The following BUB1B variants were observed in gnomAD, a reference collection of about 807,000 sequenced individuals.
BUB1B encodes BUB1 mitotic checkpoint serine/threonine kinase B.
Under a neutral mutation model 137.7 loss-of-function variants are expected in BUB1B, and 86 were observed. That is an observed-to-expected ratio of 0.62 (90% CI 0.52 to 0.75). BUB1B has a LOEUF of 0.75. BUB1B is among the 30% of genes least tolerant of loss of function. The pLI, the probability that BUB1B is intolerant of heterozygous loss-of-function variation, is 0.00. For missense variants in BUB1B, 1,130 were observed against 1,236.9 expected (o/e 0.91, Z 1.30); for synonymous variants, 420 against 417.9 (o/e 1.00, Z -0.06).
At chr15:40,197,811 A>G (rs2037516120) in intron 9 of BUB1B, among the ~76,000 whole-genome samples, 1 of 152,202 alleles carries the variant, frequency 6.6e-6, no homozygotes, top group Admixed American at 6.5e-5. Flanking sequence ...TTCAAATGGA[A>G]CTTGTGTGTC....
Position 40,183,753 on chromosome 15 carries a change from A to C in BUB1B, c.621A>C (p.Ala207=). 6.2e-7 allele frequency: 1 copy of C among 1,614,150 alleles called. No homozygotes were observed. Among genetic ancestry groups the C allele is most frequent in the Non-Finnish European group, 8.5e-7 (1 of 1,179,988 alleles). The change falls in exon 6 of 23, where the codon GCA becomes GCC. Residue 207 remains alanine (A), a synonymous_variant. Transcript: ENST00000287598. ...GAGTGTCTCGGCAAACTCTGTTGGC[A>C]CTTGAGAAAGAAGAAGAGGAGGAAG... is the stretch of plus-strand genomic sequence containing the variant. ...QARVSRQTLL[A]LEKEEEEEVF...
intron 5 of BUB1B, among the ~76,000 whole-genome samples, chr15:40,182,973 G>A (rs2037312227): frequency 6.6e-6 from 1 of 152,010 alleles, no homozygotes; most frequent in Non-Finnish European, 1.5e-5. Context: ...TTTGTATATG[G>A]TCTATAGTTT....
At chr15:40,163,851 A>T (rs370209434) in intron 1 of BUB1B, among the ~76,000 whole-genome samples, 25 of 152,200 alleles carry the variant, frequency 1.6e-4, no homozygotes, top group African/African-American at 6.0e-4. Flanking sequence ...GATTAAAGTC[A>T]TAGTTTCCAA....
chr15:40,161,964 C>T (rs554194994), intron 1 of BUB1B, among the ~76,000 whole-genome samples: 1 of 152,222 alleles, frequency 6.6e-6, no homozygotes, highest in South Asian at 2.1e-4. Flanking sequence ...ACACAAAAAT[C>T]TCAACCCTCA....
intron 12 of BUB1B, among the ~76,000 whole-genome samples, chr15:40,201,304 C>G (rs2037566019): frequency 6.6e-6 from 1 of 152,070 alleles, no homozygotes; most frequent in Admixed American, 6.5e-5. Flanking sequence ...AAATTTAAAG[C>G]TATTTTATAC....
At chr15:40,163,619 T>A (rs2037062914) in intron 1 of BUB1B, among the ~76,000 whole-genome samples, 1 of 152,200 alleles carries the variant, frequency 6.6e-6, no homozygotes, top group Non-Finnish European at 1.5e-5. Context: ...ATTCACTGAT[T>A]CGCCAAAAAT....
intron 11 of BUB1B, 99 bp downstream of exon 11, chr15:40,200,458 A>G: frequency 1.2e-6 from 1 of 836,880 alleles, no homozygotes; most frequent in Non-Finnish European, 2.0e-6. Flanking sequence ...CGTTTACAGT[A>G]TCGAGACATG....
chr15:40,171,165 G>A (rs902785477), intron 4 of BUB1B, among the ~76,000 whole-genome samples: 9 of 152,260 alleles, frequency 5.9e-5, no homozygotes, highest in African/African-American at 2.2e-4. Flanking sequence ...TTGAACTCCT[G>A]AGCTCAAGCC....
Position 40,184,300 on chromosome 15 carries a change from A to G in BUB1B, c.751+417A>G, listed in dbSNP as rs577072614. Reference sequence around the variant, plus strand: ...CCAAAGATCAGCAATAATTTTTTTTAATTAACATGGACTTTTTTTTTTTTT... The same window carrying G: ...CCAAAGATCAGCAATAATTTTTTTTGATTAACATGGACTTTTTTTTTTTTT... On this transcript the variant is annotated intron_variant, in intron 6 of 22. Transcript: ENST00000287598. 7.9e-5 allele frequency among the ~76,000 whole-genome samples: 12 copies of G among 151,652 alleles called. No individual in the cohort carries two copies. In the South Asian group the frequency reaches 2.5e-3, roughly 32 times the overall value.
In BUB1B at chr15:40,166,001, C is replaced by T. The variant is rs556800800; in HGVS notation, c.179+805C>T. Among the ~76,000 whole-genome samples the T allele has an allele frequency of 7.2e-5, 11 of 151,960 alleles. No individual in the cohort carries two copies. In the South Asian group the frequency reaches 1.5e-3, roughly 20 times the overall value. ...CCAAATAGCTGGGATTACAGGCGTGCGCCGCCACGCCTGGGTAATTTTTGT... is the reference window on the plus strand; with the variant it reads ...CCAAATAGCTGGGATTACAGGCGTGTGCCGCCACGCCTGGGTAATTTTTGT... On this transcript the variant is annotated intron_variant, in intron 2 of 22. Coordinates refer to ENST00000287598, the MANE Select transcript of BUB1B (RefSeq NM_001211.6).
In BUB1B at chr15:40,206,474, C is replaced by T. The variant is rs376895054; in HGVS notation, c.2009+16C>T. The T allele has an allele frequency of 1.2e-6, 2 of 1,613,914 alleles. No homozygotes were observed. The highest frequency in any genetic ancestry group is 2.7e-5 in the African/African-American group (2 of 74,920). ...AGAAGCTGAGGTGATTGGGGATTTA[C>T]AGGTTTTACAAACCAGATTGTTTAC... On this transcript the variant is annotated intron_variant, in intron 15 of 22. Transcript: ENST00000287598.
chr15:40,217,500 CACGATCCCTATGATTGTAACAAGA>C lies in BUB1B; in HGVS notation c.2686_2709del (p.Asp896_Asn903del). On this transcript the variant is annotated inframe_deletion, in exon 21 of 23. Coordinates refer to ENST00000287598, the MANE Select transcript of BUB1B (RefSeq NM_001211.6). ...TTCTCTTAAATCTGGGCTCAGAATC[CACGATCCCTATGATTGTAACAAGA>C]ACAATCAAGCTTTGAAGATAGTGGA... 2 of 1,613,908 alleles carry C rather than the reference CACGATCCCTATGATTGTAACAAGA, an allele frequency of 1.2e-6. No homozygotes were observed. Among genetic ancestry groups the C allele is most frequent in the South Asian group, 2.2e-5 (2 of 91,080 alleles).
chr15:40,161,193 G>C lies in BUB1B; in HGVS notation c.-28G>C. The C allele has an allele frequency of 6.2e-7, 1 of 1,612,598 alleles. No homozygotes were observed. Among genetic ancestry groups the C allele is most frequent in the East Asian group, 2.2e-5 (1 of 44,834 alleles). On this transcript the variant is annotated 5_prime_UTR_variant, in exon 1 of 23. Transcript: ENST00000287598. ...TGGCCCAGAGGAAAGGCCTGCAGCAGGACGAGGACCTGAGCCAGGAATGCA... is the reference window on the plus strand; with the variant it reads ...TGGCCCAGAGGAAAGGCCTGCAGCACGACGAGGACCTGAGCCAGGAATGCA...
chr15:40,213,539 T>C, intron 20 of BUB1B, 65 bp downstream of exon 20: 1 of 1,585,748 alleles, frequency 6.3e-7, no homozygotes, highest in Non-Finnish European at 8.6e-7. Flanking sequence ...TTGCCACTTT[T>C]TTTTTTCTTT....
chr15:40,199,544 C>A, intron 9 of BUB1B, 71 bp from the exon 10 acceptor site: 2 of 1,172,140 alleles, frequency 1.7e-6, no homozygotes, highest in Non-Finnish European at 2.5e-6. Context: ...AGGAGATGAG[C>A]TCCAAAGGCA....
chr15:40,167,224 A>G (rs1251862304), intron 2 of BUB1B, among the ~76,000 whole-genome samples: 2 of 149,974 alleles, frequency 1.3e-5, no homozygotes, highest in Non-Finnish European at 3.0e-5. Flanking sequence ...ATGAAGTTCA[A>G]TTAATTAGTA....
At chr15:40,186,861 T>G (rs1381585154) in intron 8 of BUB1B, 1 of 152,092 alleles carries the variant, frequency 6.6e-6, no homozygotes, top group Non-Finnish European at 1.5e-5. Context: ...TGAGCAAAAA[T>G]TCTGCCTAAG....
At chr15:40,208,257 G>T (rs2037661853) in intron 15 of BUB1B, among the ~76,000 whole-genome samples, 1 of 152,060 alleles carries the variant, frequency 6.6e-6, no homozygotes, top group Non-Finnish European at 1.5e-5. Context: ...GTACATTAAG[G>T]CCAGGTGCAG....
At chr15:40,196,088 A>G (rs530842632) in intron 8 of BUB1B, among the ~76,000 whole-genome samples, 207 of 152,272 alleles carry the variant, frequency 1.4e-3, no homozygotes, top group African/African-American at 4.9e-3. Flanking sequence ...TTCCAGTGTT[A>G]TCGTCTAGAA....
Sources: gnomAD v4.1 joint callset for allele counts (sites outside exome capture counted in the v4.1 genomes callset) on GRCh38, gnomAD v4.1.1 for gene constraint, MANE v1.5 for transcripts, NCBI Gene and HGNC (gene_info 2026-07-23, HGNC 2026-07-21) for gene names.